Variants in MARF1 observed in about 807,000 individuals in gnomAD.
MARF1 encodes limkain-b1.
A neutral mutation model predicts 168.2 loss-of-function variants in MARF1; 24 were observed. The observed-to-expected ratio is 0.14, with a 90% CI of 0.10 to 0.20. The LOEUF (loss-of-function observed/expected upper bound fraction) is 0.20. MARF1 is among the 10% of genes least tolerant of loss of function. The probability of loss-of-function intolerance (pLI) is 1.00; values close to 1 mark genes in which losing one functional copy is unlikely to be tolerated. For missense variants in MARF1, 1,744 were observed against 2,143.6 expected, an observed-to-expected ratio of 0.81 and a Z score of 3.68; for synonymous variants, 868 against 822.4, an observed-to-expected ratio of 1.06 and a Z score of -0.95.
intron 2 of MARF1, among the ~76,000 whole-genome samples, chr16:15,636,880 CTGA>C (rs960590811): frequency 1.3e-5 from 2 of 152,180 alleles, no homozygotes; most frequent in African/African-American, 4.8e-5. Context: ...ATCCGTGTTG[CTGA>C]TGACATTTCA....
At chr16:15,616,801 G>C (rs1339257292) in intron 15 of MARF1, 4 of 455,244 alleles carry the variant, frequency 8.8e-6, no homozygotes, top group Non-Finnish European at 1.6e-5. Context: ...TGGTATTTGT[G>C]TATCTAATCA....
intron 15 of MARF1, chr16:15,616,721 C>G (rs1335307519): frequency 4.5e-6 from 1 of 224,530 alleles, no homozygotes; most frequent in African/African-American, 2.3e-5. Context: ...CTGGTGCAGC[C>G]CATGGTTCCC....
intron 10 of MARF1, among the ~76,000 whole-genome samples, chr16:15,623,343 G>A (rs1290453376): frequency 7.7e-6 from 1 of 130,532 alleles, no homozygotes; most frequent in African/African-American, 3.0e-5. Context: ...GCAATGGCAC[G>A]ATCTCGGCTT....
chr16:15,623,361 C>T (rs1164274989), intron 10 of MARF1, among the ~76,000 whole-genome samples: 1 of 145,882 alleles, frequency 6.9e-6, no homozygotes, highest in Non-Finnish European at 1.5e-5. Flanking sequence ...CTTACTGCAA[C>T]CTCCACCTCC....
At chr16:15,599,174 A>AC (rs2032138027) in intron 25 of MARF1, 150 bp from the exon 26 acceptor site, 1 of 751,462 alleles carries the variant, frequency 1.3e-6, no homozygotes, top group Non-Finnish European at 2.1e-6. Flanking sequence ...AAAAAAAAAA[A>AC]ACAAAAACCC....
rs1159762395 is a variant in MARF1 at position 15,625,709 on chromosome 16, C to T, written c.1616G>A (p.Cys539Tyr). ...TGTGATACTCAGCACTTTCCCACCA[C>T]AATTATCGGACAGGCGTCTGAGCCT... ...SNRLRRLSDN[C>Y]GGKVLSITGC... The change falls in exon 8 of 27, where the codon TGT becomes TAT. Residue 539 changes from cysteine to tyrosine, a missense_variant. Transcript: ENST00000396368. 1.9e-6 allele frequency: 3 copies of T among 1,614,234 alleles called. No individual in the cohort carries two copies. The highest frequency in any genetic ancestry group is 2.7e-5 in the African/African-American group (2 of 75,070).
intron 21 of MARF1, among the ~76,000 whole-genome samples, chr16:15,606,994 C>G (rs1004846377): frequency 6.6e-6 from 1 of 152,152 alleles, no homozygotes; most frequent in Non-Finnish European, 1.5e-5. Context: ...GTCTACACAA[C>G]CAACACTGCC....
chr16:15,596,991 G>C, intron 26 of MARF1, 54 bp from the exon 27 acceptor site: 2 of 1,515,202 alleles, frequency 1.3e-6, no homozygotes, highest in Non-Finnish European at 1.8e-6. Context: ...AAGAAGTGTG[G>C]GTTTTCTCTT....
chr16:15,627,357 C>T (rs913353930), intron 7 of MARF1, among the ~76,000 whole-genome samples: 1 of 150,984 alleles, frequency 6.6e-6, no homozygotes, highest in East Asian at 2.0e-4. Flanking sequence ...CGGTGGCTCA[C>T]GCCTGTAATC....
At position 15,639,276 on chromosome 16, in the gene MARF1, CT is replaced by C; in HGVS notation, c.-44del. The stretch of plus-strand genomic sequence containing the variant: ...TTCAACATCCTTTCATCTTTCTTTT[CT>C]TTCATTCTTCCACCCTGTTAAGAAT... On this transcript the variant is annotated 5_prime_UTR_variant, in exon 2 of 27. The change creates a premature stop within an existing upstream ORF in the 5' untranslated region. Transcript: ENST00000396368. The C allele has an allele frequency of 1.9e-6, 3 of 1,586,646 alleles. No homozygotes were observed. Among genetic ancestry groups the C allele is most frequent in the Non-Finnish European group, 2.6e-6 (3 of 1,165,598 alleles).
At chr16:15,607,637 G>A (rs900436121) in intron 21 of MARF1, among the ~76,000 whole-genome samples, 1 of 152,250 alleles carries the variant, frequency 6.6e-6, no homozygotes, top group African/African-American at 2.4e-5. Flanking sequence ...TGTGCAGCTA[G>A]TAATGGGCCT....
In MARF1 at chr16:15,639,208, T is replaced by G; in HGVS notation, c.26A>C (p.Asn9Thr). Residue 9 changes from asparagine to threonine, a missense_variant, in exon 2 of 27, where the codon AAC becomes ACC. By Grantham distance (65) the Asn-to-Thr change is moderately conservative (BLOSUM62 0). Coordinates refer to ENST00000396368, the MANE Select transcript of MARF1 (RefSeq NM_014647.4). The part of the protein sequence containing the change: MMEGNGTE[N>T]SCSRTRGWLQ... ...CCATCCACGTGTTCTACTGCAGGAG[T>G]TCTCAGTTCCGTTTCCTTCCATCAT... 6.2e-7 allele frequency: 1 copy of G among 1,613,708 alleles called. No individual in the cohort carries two copies. Among genetic ancestry groups the G allele is most frequent in the Non-Finnish European group, 8.5e-7 (1 of 1,179,906 alleles).
At position 15,602,494 on chromosome 16, in the gene MARF1, CAAGACGAAGACGACGATGAAG is replaced by C. The variant is rs747310938; in HGVS notation, c.4414-312_4414-292del. 2,984 of 545,060 alleles carry C rather than the reference CAAGACGAAGACGACGATGAAG, an allele frequency of 5.5e-3. 11 individuals are homozygous for C. The highest frequency in any genetic ancestry group is 0.015 in the African/African-American group (780 of 51,724). The allele number at this position is 545,060 out of a possible 1,614,324, so 33.8% of individuals were successfully genotyped here. A position where few individuals can be genotyped will look rare whatever the true frequency, so the allele number is the denominator to read the frequency against. On this transcript the variant is annotated intron_variant, in intron 22 of 26. Transcript: ENST00000396368. ...AAGACAAAGAACAAGAAGACGAAGACAAGACGAAGACGACGATGAAGAAGACGAAGACGACGATAAAGAAGA... is the reference window on the plus strand; with the variant it reads ...AAGACAAAGAACAAGAAGACGAAGACAAGACGAAGACGACGATAAAGAAGA...
intron 1 of MARF1, among the ~76,000 whole-genome samples, chr16:15,642,663 G>A (rs377444817): frequency 6.6e-6 from 1 of 152,156 alleles, no homozygotes; most frequent in African/African-American, 2.4e-5. Flanking sequence ...GGCCGGGGAG[G>A]GGGGAGTGTG....
chr16:15,628,060 G>A (rs941757287), intron 7 of MARF1, among the ~76,000 whole-genome samples: 5 of 152,104 alleles, frequency 3.3e-5, no homozygotes, highest in Non-Finnish European at 5.9e-5. Flanking sequence ...ACAAAACTGG[G>A]TATAAACAAA....
intron 22 of MARF1, among the ~76,000 whole-genome samples, chr16:15,603,377 T>G (rs2032701266): frequency 1.3e-5 from 2 of 152,208 alleles, no homozygotes; most frequent in African/African-American, 4.8e-5. Context: ...TCTTGCTATG[T>G]TGCCCAGGCT....
intron 8 of MARF1, 88 bp downstream of exon 8, chr16:15,625,284 G>T: frequency 6.5e-7 from 1 of 1,546,346 alleles, no homozygotes; most frequent in Non-Finnish European, 8.7e-7. Flanking sequence ...AATCAAAAAG[G>T]GACACGCCAA....
intron 14 of MARF1, 47 bp downstream of exon 14, chr16:15,617,252 C>A: frequency 1.2e-6 from 2 of 1,609,488 alleles, no homozygotes; most frequent in Middle Eastern, 1.7e-4. Flanking sequence ...ACATGTTCCA[C>A]AATCTTATAG....
chr16:15,608,905 C>T (rs1035582167), intron 20 of MARF1, among the ~76,000 whole-genome samples: 3 of 152,246 alleles, frequency 2.0e-5, no homozygotes, highest in East Asian at 3.9e-4. Context: ...ACCTTCAACA[C>T]GAAGGATTTT....
Sources: allele counts gnomAD v4.1 joint callset (sites outside exome capture counted in the v4.1 genomes callset), GRCh38; gene constraint gnomAD v4.1.1; transcripts MANE v1.5; gene names NCBI Gene and HGNC (gene_info 2026-07-23, HGNC 2026-07-21).